TRMO: variants seen among roughly 807,000 people sequenced by gnomAD.
TRMO encodes the protein tRNA methyltransferase O, also known as tRNA (adenine(37)-N6)-methyltransferase.
Under a neutral mutation model 37.2 loss-of-function variants are expected in TRMO, and 30 were observed. The ratio of observed to expected loss-of-function variants is 0.81; its 90% CI spans 0.60 to 1.09. TRMO has a LOEUF of 1.09. TRMO is among the 50% of genes least tolerant of loss of function. The pLI, the probability that TRMO is intolerant of heterozygous loss-of-function variation, is 0.00. For missense variants in TRMO, 552 were observed against 549.5 expected (o/e 1.00, Z -0.05); for synonymous variants, 239 against 199.4 (o/e 1.20, Z -1.67).
At position 97,912,881 on chromosome 9, in the gene TRMO, T is replaced by C. The variant is rs576375014; in HGVS notation, c.409+520A>G. On this transcript the variant is annotated intron_variant, in intron 3 of 4. Coordinates refer to ENST00000375119, the MANE Select transcript of TRMO (RefSeq NM_016481.5). ...TTTAAAACTTCTACAACCTGACCAATGTTTGTCCTTGTAGTGTGATTCATC... is the reference window on the plus strand; with the variant it reads ...TTTAAAACTTCTACAACCTGACCAACGTTTGTCCTTGTAGTGTGATTCATC... 1.0e-5 allele frequency: 13 copies of C among 1,293,958 alleles called. No individual in the cohort carries two copies. In the South Asian group the frequency reaches 1.2e-4, roughly 12 times the overall value. The allele number at this position is 1,293,958 out of a possible 1,614,324, so 80.2% of individuals were successfully genotyped here. A position where few individuals can be genotyped will look rare whatever the true frequency, so the allele number is the denominator to read the frequency against.
intron 2 of TRMO, chr9:97,914,158 G>T (rs888780341): frequency 6.6e-5 from 10 of 152,278 alleles, no homozygotes; most frequent in African/African-American, 2.4e-4. Context: ...TGGACCATAG[G>T]TTAATATCTG....
chr9:97,920,062 C>T (rs1292483743), intron 1 of TRMO, among the ~76,000 whole-genome samples: 1 of 152,180 alleles, frequency 6.6e-6, no homozygotes, highest in Non-Finnish European at 1.5e-5. Flanking sequence ...GACCTGACAC[C>T]GTTTGCCAAG....
chr9:97,910,660 T>C (rs770291743), intron 3 of TRMO, 44 bp from the exon 4 acceptor site: 2 of 1,593,368 alleles, frequency 1.3e-6, no homozygotes, highest in Non-Finnish European at 1.7e-6. Context: ...TGCAAACACT[T>C]GGAGAATACA....
chr9:97,901,293 C>G (rs1369653823), downstream of TRMO, among the ~76,000 whole-genome samples: 1 of 152,132 alleles, frequency 6.6e-6, no homozygotes, highest in East Asian at 1.9e-4. Context: ...GTCCTGAAAC[C>G]ACAACTTTGC....
Position 97,916,324 on chromosome 9 carries a change from C to G in TRMO, c.91G>C (p.Glu31Gln), listed in dbSNP as rs1482797567. ...PALETGNLLT[E>Q]PVGYLESCFS... is the part of the protein sequence containing the mutation. ...CAAGATTCCAAGTAGCCGACTGGCT[C>G]AGTTAAAAGATTCCCTACAGGAGAA... is the stretch of plus-strand genomic sequence containing the variant. Residue 31 changes from glutamate (E) to glutamine (Q), a missense_variant, in exon 2 of 5, where the codon GAG becomes CAG. Physicochemically the swap from Glu to Gln is conservative, Grantham distance 29. Transcript: ENST00000375119. 1.3e-5 allele frequency: 21 copies of G among 1,609,972 alleles called. No individual in the cohort carries two copies. Among genetic ancestry groups the G allele is most frequent in the Non-Finnish European group, 1.8e-5 (21 of 1,178,426 alleles).
chr9:97,899,982 G>C (rs1378431526), downstream of TRMO, among the ~76,000 whole-genome samples: 1 of 152,126 alleles, frequency 6.6e-6, no homozygotes, highest in Admixed American at 6.6e-5. Flanking sequence ...ACTTGAGCCT[G>C]GGAGGTCAAG....
At chr9:97,906,180 T>A (rs1825846289) in intron 4 of TRMO, among the ~76,000 whole-genome samples, 1 of 150,764 alleles carries the variant, frequency 6.6e-6, no homozygotes, top group Non-Finnish European at 1.5e-5. Context: ...AAAAATCAAT[T>A]ATATGGCAAT....
chr9:97,922,131 C>G (rs1291659038), intron 1 of TRMO, among the ~76,000 whole-genome samples: 1 of 152,160 alleles, frequency 6.6e-6, no homozygotes, highest in African/African-American at 2.4e-5. Context: ...GCAAGGAAAC[C>G]CCTAAGAGAA....
At chr9:97,920,687 T>C (rs114637631) in intron 1 of TRMO, among the ~76,000 whole-genome samples, 25 of 152,304 alleles carry the variant, frequency 1.6e-4, no homozygotes, top group African/African-American at 6.0e-4. Flanking sequence ...GTGTACAGGA[T>C]TGTCTACACG....
downstream of TRMO, among the ~76,000 whole-genome samples, chr9:97,902,451 C>T (rs1177308463): frequency 2.6e-5 from 4 of 152,150 alleles, no homozygotes; most frequent in Admixed American, 6.5e-5. Flanking sequence ...CAGGCATGCG[C>T]CATTACCACC....
chr9:97,910,949 A>T, intron 3 of TRMO: 1 of 511,044 alleles, frequency 2.0e-6, no homozygotes. Flanking sequence ...ACGGTAGGGT[A>T]GTGACCTGCT....
At chr9:97,921,090 A>T (rs1159867437) in intron 1 of TRMO, among the ~76,000 whole-genome samples, 2 of 152,240 alleles carry the variant, frequency 1.3e-5, no homozygotes, top group Non-Finnish European at 2.9e-5. Context: ...AATTTTTTTT[A>T]AATAAGCACA....
At chr9:97,902,403 C>A (rs1303426421), downstream of TRMO, among the ~76,000 whole-genome samples, 1 of 152,136 alleles carries the variant, frequency 6.6e-6, no homozygotes, top group Non-Finnish European at 1.5e-5. Context: ...CAGGTTCAAG[C>A]GATTCTCCTG....
chr9:97,907,767 T>C (rs1825917397), intron 4 of TRMO, among the ~76,000 whole-genome samples: 1 of 152,194 alleles, frequency 6.6e-6, no homozygotes, highest in Non-Finnish European at 1.5e-5. Flanking sequence ...GTCCCTTTTC[T>C]AGTGCCTCTT....
At chr9:97,902,342 C>T (rs192428157), downstream of TRMO, among the ~76,000 whole-genome samples, 4 of 152,290 alleles carry the variant, frequency 2.6e-5, no homozygotes, top group East Asian at 7.7e-4. Context: ...ACTCTGTCGC[C>T]CAGGCTGGAG....
At chr9:97,902,468 ATTT>A (rs1031915650), downstream of TRMO, among the ~76,000 whole-genome samples, 3 of 152,034 alleles carry the variant, frequency 2.0e-5, no homozygotes, top group Non-Finnish European at 2.9e-5. Context: ...CACCCAGCTA[ATTT>A]TTGTATTTTA....
the TRMO span, among the ~76,000 whole-genome samples, chr9:97,898,331 A>C: frequency 1.3e-5 from 2 of 152,048 alleles, no homozygotes; most frequent in African/African-American, 4.8e-5. Context: ...TAGATCAGGA[A>C]ACTCAATTTT....
At chr9:97,905,117 C>G in intron 4 of TRMO, 125 bp from the exon 5 acceptor site, 1 of 1,036,992 alleles carries the variant, frequency 9.6e-7, no homozygotes, top group South Asian at 1.5e-5. Context: ...GTTTGGAAAA[C>G]TATTTGATCA....
chr9:97,901,609 C>A (rs1264490075), downstream of TRMO, among the ~76,000 whole-genome samples: 1 of 151,986 alleles, frequency 6.6e-6, no homozygotes, highest in Admixed American at 6.6e-5. Context: ...ACTTCAATTC[C>A]GGACATAAAA....
Sources: allele counts gnomAD v4.1 joint callset (sites outside exome capture counted in the v4.1 genomes callset), GRCh38; gene constraint gnomAD v4.1.1; transcripts MANE v1.5; gene names NCBI Gene and HGNC (gene_info 2026-07-23, HGNC 2026-07-21).